DHX16: variants seen among roughly 807,000 people sequenced by gnomAD.
DHX16 encodes the protein DEAH-box helicase 16, also known as pre-mRNA-splicing factor ATP-dependent RNA helicase DHX16.
In DHX16, 81 loss-of-function variants were observed where a neutral mutation model predicts 131.2. The observed-to-expected ratio is 0.62, with a 90% confidence interval of 0.52 to 0.74. The LOEUF is 0.74. DHX16 is among the 30% of genes least tolerant of loss of function. DHX16 has a pLI of 0.00. For synonymous variants in DHX16, 440 were observed against 520.2 expected, an observed-to-expected ratio of 0.85 and a Z score of 2.10; for missense variants, 980 against 1,363.1, an observed-to-expected ratio of 0.72 and a Z score of 4.43.
intron 7 of DHX16, among the ~76,000 whole-genome samples, chr6:30,664,411 A>T (rs1561987436): frequency 6.8e-6 from 1 of 146,484 alleles, no homozygotes; most frequent in Non-Finnish European, 1.5e-5. Flanking sequence ...CAGGAGTCAG[A>T]GGTTGCAGTA....
intron 12 of DHX16, among the ~76,000 whole-genome samples, chr6:30,657,758 C>CA (rs1478380887): frequency 6.6e-6 from 1 of 152,142 alleles, no homozygotes; most frequent in Non-Finnish European, 1.5e-5. Flanking sequence ...CTCCCTCCCT[C>CA]ACCTGGTTTG....
chr6:30,671,629 G>A (rs1005033108), intron 1 of DHX16, among the ~76,000 whole-genome samples: 2 of 152,206 alleles, frequency 1.3e-5, no homozygotes, highest in East Asian at 3.9e-4. Flanking sequence ...ACAGGCATGA[G>A]CCACCACACC....
At chr6:30,663,911 G>A (rs1247047843) in intron 7 of DHX16, among the ~76,000 whole-genome samples, 1 of 151,592 alleles carries the variant, frequency 6.6e-6, no homozygotes, top group Non-Finnish European at 1.5e-5. Context: ...TGTAGTCCCA[G>A]CTACTTAGGA....
At chr6:30,663,334 A>T (rs2127587581) in intron 7 of DHX16, among the ~76,000 whole-genome samples, 1 of 152,256 alleles carries the variant, frequency 6.6e-6, no homozygotes, top group South Asian at 2.1e-4. Flanking sequence ...CATGCCTGTA[A>T]TCCTAGTACT....
chr6:30,664,944 T>C lies in DHX16; in HGVS notation c.1174A>G (p.Ile392Val). Residue 392 changes from isoleucine (I) to valine (V), a missense_variant, in exon 7 of 20, where the codon ATC becomes GTC. Coordinates refer to ENST00000376442, the MANE Select transcript of DHX16 (RefSeq NM_003587.5). ...TSTQAQQKES[I>V]QAVRRSLPVF... Reference sequence around the variant, plus strand: ...GGGAGGCTGCGGCGGACGGCCTGGATGGACTCTTTCTGCTGGGCCTGAGTT... The same window carrying C: ...GGGAGGCTGCGGCGGACGGCCTGGACGGACTCTTTCTGCTGGGCCTGAGTT... 6.2e-7 allele frequency: 1 copy of C among 1,613,916 alleles called. No homozygotes were observed. Among genetic ancestry groups the C allele is most frequent in the Non-Finnish European group, 8.5e-7 (1 of 1,180,006 alleles).
In DHX16 at chr6:30,670,616, A is replaced by C; in HGVS notation, c.610-150T>G. On this transcript the variant is annotated intron_variant, in intron 3 of 19. Transcript: ENST00000376442. This position sits in a 1 kb window ranked among gnomAD's most constrained non-coding sequence, Gnocchi z 4.4. ...GAGGAATCTCTCTGATTGCAGGTAC[A>C]GCAGACAGTTGTCTTAGCCACAGGA... 1 of 1,222,964 alleles carries C rather than the reference A, an allele frequency of 8.2e-7. No individual in the cohort carries two copies. The highest frequency in any genetic ancestry group is 1.1e-6 in the Non-Finnish European group (1 of 870,794). 75.8% of individuals were successfully genotyped at this position (1,222,964 alleles called of 1,614,324 possible).
chr6:30,672,914 C>T lies in DHX16; in HGVS notation c.-73G>A. The T allele has an allele frequency of 6.3e-7, 1 of 1,587,132 alleles. No individual in the cohort carries two copies. Among genetic ancestry groups the T allele is most frequent in the Non-Finnish European group, 8.6e-7 (1 of 1,167,136 alleles). On this transcript the variant is annotated 5_prime_UTR_variant, in exon 1 of 20. Coordinates refer to ENST00000376442, the MANE Select transcript of DHX16 (RefSeq NM_003587.5). ...GCTCACTGCTGGGCCGGTCAGAGGC[C>T]TGGAGCCCTCGGCTGGAGCCTCAGC... is the stretch of plus-strand genomic sequence containing the variant.
chr6:30,655,700 G>A (rs1767921546), intron 16 of DHX16, 103 bp from the exon 17 acceptor site: 5 of 1,374,160 alleles, frequency 3.6e-6, no homozygotes, highest in Admixed American at 2.0e-5. Flanking sequence ...CCTCATGTGG[G>A]GAAGGCTGGT....
intron 18 of DHX16, 140 bp from the exon 19 acceptor site, chr6:30,655,019 C>A: frequency 7.2e-7 from 1 of 1,396,698 alleles, no homozygotes; most frequent in Admixed American, 2.1e-5. Context: ...AATGAACCTT[C>A]AGTGGTCTGG....
In DHX16 at chr6:30,662,905, T is replaced by G; in HGVS notation, c.1428+6A>C. On this transcript the variant is annotated splice_donor_region_variant and intron_variant, in intron 8 of 19. Coordinates refer to ENST00000376442, the MANE Select transcript of DHX16 (RefSeq NM_003587.5). The surrounding 1 kb of genome is among the most constrained non-coding windows in gnomAD (Gnocchi z 4.7). Reference sequence around the variant, plus strand: ...ACTCTACCCCCCGGTTCCCTAGAAATCTCACCTCATTCCCAAGCTTCACAC... The same window carrying G: ...ACTCTACCCCCCGGTTCCCTAGAAAGCTCACCTCATTCCCAAGCTTCACAC... The G allele has an allele frequency of 6.2e-7, 1 of 1,612,156 alleles. No homozygotes were observed. The highest frequency in any genetic ancestry group is 1.7e-5 in the Admixed American group (1 of 59,986).
Position 30,662,892 on chromosome 6 carries a change from G to A in DHX16, c.1428+19C>T, listed in dbSNP as rs751134360. ...TCACAGACCCCAGACTCTACCCCCC[G>A]GTTCCCTAGAAATCTCACCTCATTC... On this transcript the variant is annotated intron_variant, in intron 8 of 19. Transcript: ENST00000376442. The surrounding 1 kb of genome is among the most constrained non-coding windows in gnomAD (Gnocchi z 4.7). The A allele has an allele frequency of 9.9e-6, 16 of 1,608,432 alleles. No individual in the cohort carries two copies. The highest frequency in any genetic ancestry group is 1.7e-5 in the Admixed American group (1 of 59,974).
At chr6:30,654,648 C>G in intron 19 of DHX16, 58 bp downstream of exon 19, 1 of 1,505,960 alleles carries the variant, frequency 6.6e-7, no homozygotes. Flanking sequence ...CTTAGCTTGC[C>G]AGGACACCAT....
intron 9 of DHX16, chr6:30,661,975 A>G: frequency 1.5e-6 from 1 of 680,414 alleles, no homozygotes; most frequent in East Asian, 2.7e-5. Flanking sequence ...AAAGGCACAT[A>G]TTGTTCAGCT....
rs758041320 is a variant in DHX16 at position 30,672,780 on chromosome 6, A to G, written c.62T>C (p.Leu21Pro). Reference protein sequence around the residue: ...VQDELHSVLGLSERHVAQFLI... With the variant: ...VQDELHSVLGPSERHVAQFLI... ...AAACTGGGCGACGTGCCGCTCGCTCAGCCCCAACACCGAGTGCAGCTCGTC... is the reference window on the plus strand; with the variant it reads ...AAACTGGGCGACGTGCCGCTCGCTCGGCCCCAACACCGAGTGCAGCTCGTC... Residue 21 changes from leucine to proline, a missense_variant, in exon 1 of 20, where the codon CTG (leucine) becomes CCG (proline). Transcript: ENST00000376442. 2 of 1,613,068 alleles carry G rather than the reference A, an allele frequency of 1.2e-6. No homozygotes were observed. The highest frequency in any genetic ancestry group is 1.1e-5 in the South Asian group (1 of 91,088).
At position 30,662,801 on chromosome 6, in the gene DHX16, G is replaced by C; in HGVS notation, c.1429-59C>G. On this transcript the variant is annotated intron_variant, in intron 8 of 19. Coordinates refer to ENST00000376442, the MANE Select transcript of DHX16 (RefSeq NM_003587.5). The surrounding 1 kb of genome is among the most constrained non-coding windows in gnomAD (Gnocchi z 4.7). ...GCTGGTGTGCCCTGAAAGGAACTTG[G>C]GGAAAGGTGAAGTGGGGCAGCACCA... 1.3e-6 allele frequency: 2 copies of C among 1,579,820 alleles called. No individual in the cohort carries two copies. The highest frequency in any genetic ancestry group is 2.2e-5 in the East Asian group (1 of 44,696).
At chr6:30,669,744 TAA>T (rs953317689) in intron 4 of DHX16, among the ~76,000 whole-genome samples, 186 of 113,796 alleles carry the variant, frequency 1.6e-3, no homozygotes, top group East Asian at 3.7e-3. Context: ...AAAAAAGGTT[TAA>T]AAAAAAAAAA....
intron 1 of DHX16, among the ~76,000 whole-genome samples, chr6:30,672,005 A>G (rs571432499): frequency 1.1e-4 from 16 of 151,804 alleles, no homozygotes; most frequent in African/African-American, 3.6e-4. Context: ...TAAACGACTG[A>G]AAGGAAGTTC....
chr6:30,661,839 C>A, intron 9 of DHX16: 1 of 718,020 alleles, frequency 1.4e-6, no homozygotes, highest in Non-Finnish European at 2.6e-6. Flanking sequence ...GACACTCTTG[C>A]GCTGGCTGGC....
At chr6:30,655,119 G>A (rs1029694719) in intron 18 of DHX16, 56 bp downstream of exon 18, 2 of 1,605,126 alleles carry the variant, frequency 1.2e-6, no homozygotes, top group African/African-American at 1.3e-5. Context: ...CCCCAGAGAA[G>A]CTTGCTCCTG....
Sources: gnomAD v4.1 joint callset for allele counts (sites outside exome capture counted in the v4.1 genomes callset) on GRCh38, gnomAD v4.1.1 for gene constraint, Gnocchi (gnomAD v3.1) non-coding constraint, MANE v1.5 for transcripts, NCBI Gene and HGNC (gene_info 2026-07-23, HGNC 2026-07-21) for gene names.